PCNX2: variants seen among roughly 807,000 people sequenced by gnomAD.
PCNX2 encodes pecanex-like protein 2.
Under a neutral mutation model 223.8 loss-of-function variants are expected in PCNX2, and 168 were observed. The observed-to-expected ratio is 0.75, with a 90% CI of 0.66 to 0.85. The LOEUF is 0.85. Among genes scored for constraint, PCNX2 ranks in the 40% least tolerant of loss-of-function variants. The probability of loss-of-function intolerance (pLI) is 0.00; values close to 1 mark genes in which losing one functional copy is unlikely to be tolerated. For synonymous variants in PCNX2, 1,006 were observed against 1,052.6 expected, an observed-to-expected ratio of 0.96 and a Z score of 0.86; for missense variants, 2,507 against 2,675.5, an observed-to-expected ratio of 0.94 and a Z score of 1.39.
Position 232,986,310 on chromosome 1 carries a change from T to G in PCNX2, c.6022A>C (p.Ser2008Arg), listed in dbSNP as rs373796586. ...AGCGCCTCGGCCCGCTCACGGACAC[T>G]CAGGTGGCCGGTGGTGGTGACGGGC... ...PPPVTTTGHL[S>R]VRERAEALIR... Residue 2008 changes from serine to arginine, a missense_variant, in exon 33 of 34, where the codon AGT (serine) becomes CGT (arginine). Physicochemically the swap from Ser to Arg is moderately radical, Grantham distance 110. Transcript: ENST00000258229. 3 of 1,582,018 alleles carry G rather than the reference T, an allele frequency of 1.9e-6. No individual in the cohort carries two copies. In the African/African-American group the frequency reaches 4.0e-5, roughly 21 times the overall value.
At chr1:233,307,777 G>T in the PCNX2 span, among the ~76,000 whole-genome samples, 2 of 152,186 alleles carry the variant, frequency 1.3e-5, no homozygotes, top group African/African-American at 4.8e-5. Flanking sequence ...CAAGCACAGA[G>T]AGGTTAAGTA....
Position 233,169,421 on chromosome 1 carries a change from C to T in PCNX2, c.3274-8058G>A, listed in dbSNP as rs368155923. 5.3e-5 allele frequency among the ~76,000 whole-genome samples: 8 copies of T among 151,768 alleles called. No individual in the cohort carries two copies. In the South Asian group the frequency reaches 6.2e-4, roughly 12 times the overall value. On this transcript the variant is annotated intron_variant, in intron 17 of 33. Coordinates refer to ENST00000258229, the MANE Select transcript of PCNX2 (RefSeq NM_014801.4). ...CAGCACTTTGGGAGGCCGAGACGGGCGGATCACGAGGTCAGGAGATCGAGA... is the reference window on the plus strand; with the variant it reads ...CAGCACTTTGGGAGGCCGAGACGGGTGGATCACGAGGTCAGGAGATCGAGA...
intron 19 of PCNX2, among the ~76,000 whole-genome samples, chr1:233,157,882 A>C (rs1678222382): frequency 6.6e-6 from 1 of 152,144 alleles, no homozygotes; most frequent in Admixed American, 6.6e-5. Context: ...GCTAGATTTC[A>C]GGCTGCTTAT....
At chr1:233,301,219 A>G in the PCNX2 span, among the ~76,000 whole-genome samples, 8 of 152,246 alleles carry the variant, frequency 5.3e-5, no homozygotes, top group Admixed American at 2.0e-4. Context: ...CTAAAATAGA[A>G]AACATAAAGA....
Position 233,179,118 on chromosome 1 carries a change from C to A in PCNX2, c.3124G>T (p.Val1042Phe). 6.2e-7 allele frequency: 1 copy of A among 1,613,870 alleles called. No individual in the cohort carries two copies. ...CGGCTCAGATGGTAAGAAAGGGCGACCAAGAGGCCACAGAAGGCCGAAAAC... is the reference window on the plus strand; with the variant it reads ...CGGCTCAGATGGTAAGAAAGGGCGAACAAGAGGCCACAGAAGGCCGAAAAC... ...ALFSAFCGLL[V>F]ALSYHLSRQS... is the part of the protein sequence containing the mutation. Residue 1042 changes from valine to phenylalanine, a missense_variant, in exon 16 of 34, where the codon GTC (valine) becomes TTC (phenylalanine). By Grantham distance (50) the Val-to-Phe change is conservative. Around this residue, in one of 3 missense-constraint regions of PCNX2, gnomAD observed 1,372 missense variants for 1,509.4 expected, o/e 0.91. Coordinates refer to ENST00000258229, the MANE Select transcript of PCNX2 (RefSeq NM_014801.4).
chr1:233,070,774 T>C (rs531176474), intron 23 of PCNX2, among the ~76,000 whole-genome samples: 47 of 152,198 alleles, frequency 3.1e-4, no homozygotes, highest in African/African-American at 1.1e-3. Context: ...CAGTGGCTCA[T>C]GCCTGTAATC....
intron 5 of PCNX2, among the ~76,000 whole-genome samples, chr1:233,254,116 C>T (rs547954592): frequency 6.6e-6 from 1 of 152,324 alleles, no homozygotes; most frequent in East Asian, 1.9e-4. Context: ...CACATCCTTG[C>T]ATATATAACA....
chr1:233,021,042 C>CT (rs59114694), intron 26 of PCNX2, among the ~76,000 whole-genome samples: 5 of 151,360 alleles, frequency 3.3e-5, no homozygotes, highest in South Asian at 2.1e-4. Flanking sequence ...AGAAAATCAT[C>CT]TTTTTTTTTA....
At position 232,986,536 on chromosome 1, in the gene PCNX2, C is replaced by T. The variant is rs532789526; in HGVS notation, c.5796G>A (p.Arg1932=). Reference sequence around the variant, plus strand: ...GCACGGACTGGCTCCTGCCTTTCCTCCTGCCTTTAAAAGAAAGCAGAACAC... The same window carrying T: ...GCACGGACTGGCTCCTGCCTTTCCTTCTGCCTTTAAAAGAAAGCAGAACAC... ...SSCEGTQRTG[R]RKGRSQSVQA... is the part of the protein sequence containing the mutation. The change falls in exon 33 of 34, where the codon AGG becomes AGA. Residue 1932 remains arginine (R), a synonymous_variant. Coordinates refer to ENST00000258229, the MANE Select transcript of PCNX2 (RefSeq NM_014801.4). 9 of 1,521,332 alleles carry T rather than the reference C, an allele frequency of 5.9e-6. No homozygotes were observed. In the African/African-American group the frequency reaches 1.2e-4, roughly 21 times the overall value. 94.2% of individuals were successfully genotyped at this position (1,521,332 alleles called of 1,614,324 possible).
intron 26 of PCNX2, among the ~76,000 whole-genome samples, chr1:233,024,441 T>A (rs983613935): frequency 6.6e-6 from 1 of 152,024 alleles, no homozygotes; most frequent in African/African-American, 2.4e-5. Context: ...CCCCCCATAC[T>A]CCCAGAATAG....
intron 17 of PCNX2, among the ~76,000 whole-genome samples, chr1:233,162,056 A>T (rs1379372773): frequency 4.0e-5 from 6 of 151,324 alleles, no homozygotes; most frequent in African/African-American, 1.2e-4. Context: ...TACACACATT[A>T]CATGCAGACA....
intron 21 of PCNX2, among the ~76,000 whole-genome samples, chr1:233,100,605 C>G (rs940254080): frequency 1.3e-4 from 20 of 152,162 alleles, no homozygotes; most frequent in East Asian, 1.9e-4. Context: ...AGAAATGTCT[C>G]CAAATAAAGG....
chr1:233,035,576 G>A (rs2102850161), intron 25 of PCNX2, among the ~76,000 whole-genome samples: 1 of 152,274 alleles, frequency 6.6e-6, no homozygotes, highest in African/African-American at 2.4e-5. Flanking sequence ...CACCCATAAA[G>A]CACAATCACG....
At chr1:233,213,485 G>A (rs546975170) in intron 12 of PCNX2, among the ~76,000 whole-genome samples, 1 of 152,238 alleles carries the variant, frequency 6.6e-6, no homozygotes, top group East Asian at 1.9e-4. Flanking sequence ...TTAATACAGC[G>A]AAACTGGGAA....
intron 9 of PCNX2, among the ~76,000 whole-genome samples, chr1:233,230,402 A>G (rs75722964): frequency 6.6e-6 from 1 of 152,184 alleles, no homozygotes; most frequent in East Asian, 1.9e-4. Flanking sequence ...AGTGATCTAA[A>G]TAATGAAAAA....
At chr1:233,193,925 T>C (rs1680566013) in intron 15 of PCNX2, among the ~76,000 whole-genome samples, 1 of 152,050 alleles carries the variant, frequency 6.6e-6, no homozygotes, top group African/African-American at 2.4e-5. Context: ...GGGGCAATAT[T>C]AAATGATCTA....
rs527452682 is a variant in PCNX2, at chr1:232,984,659, G to C, written c.6241-182C>G. The C allele has an allele frequency of 2.2e-4, 132 of 597,500 alleles. 2 individuals carry two copies. In the Middle Eastern group the frequency reaches 2.6e-3, roughly 12 times the overall value. 37.0% of individuals were successfully genotyped at this position (597,500 alleles called of 1,614,324 possible). On this transcript the variant is annotated intron_variant, in intron 33 of 33. Coordinates refer to ENST00000258229, the MANE Select transcript of PCNX2 (RefSeq NM_014801.4). ...GCACAGTGGCCTCTGAGGACAGGAC[G>C]GGCAACTGAAGCAGCATCTGAGACA...
intron 15 of PCNX2, among the ~76,000 whole-genome samples, chr1:233,179,470 T>A (rs963337549): frequency 2.0e-5 from 3 of 152,216 alleles, no homozygotes. Flanking sequence ...ATATTAAACA[T>A]GTGTCCCTCC....
intron 1 of PCNX2, among the ~76,000 whole-genome samples, chr1:233,293,188 AAAAAACATCTGC>A (rs1291391456): frequency 1.3e-5 from 2 of 152,238 alleles, no homozygotes; most frequent in Admixed American, 1.3e-4. Context: ...TATGCATAGG[AAAAAACATCTGC>A]AGGAACACAA....
Sources: allele counts gnomAD v4.1 joint callset (sites outside exome capture counted in the v4.1 genomes callset), GRCh38; gene constraint gnomAD v4.1.1; regional missense constraint gnomAD v4.1.1; transcripts MANE v1.5; gene names NCBI Gene and HGNC (gene_info 2026-07-23, HGNC 2026-07-21).